NCALD: variants seen among roughly 807,000 people sequenced by gnomAD.
The protein encoded by NCALD is neurocalcin delta.
NCALD carries 10 observed loss-of-function variants against 18.6 expected under a neutral mutation model. That is an observed-to-expected ratio of 0.54 (90% CI 0.33 to 0.91). The LOEUF (loss-of-function observed/expected upper bound fraction) is 0.91. NCALD is among the 40% of genes least tolerant of loss of function. The probability of loss-of-function intolerance (pLI) is 0.03; values close to 1 mark genes in which losing one functional copy is unlikely to be tolerated. For synonymous variants in NCALD, 88 were observed against 87.4 expected (o/e 1.01, Z -0.04); for missense variants, 184 against 247.6 (o/e 0.74, Z 1.72).
At chr8:101,700,529 G>C (rs6468785) in intron 2 of NCALD, among the ~76,000 whole-genome samples, 32,849 of 151,972 alleles carry the variant, frequency 0.22, 3,758 homozygotes, top group Admixed American at 0.3. Flanking sequence ...GGGTCCCCTG[G>C]TGGCAAGTAA....
At chr8:101,913,668 C>T (rs1201550044) in intron 3 of NCALD, among the ~76,000 whole-genome samples, 3 of 152,138 alleles carry the variant, frequency 2.0e-5, no homozygotes, top group African/African-American at 4.8e-5. Flanking sequence ...CCACAACCTC[C>T]GCCTCCTGGA....
At chr8:102,000,786 C>A (rs949416471) in intron 2 of NCALD, among the ~76,000 whole-genome samples, 10 of 152,292 alleles carry the variant, frequency 6.6e-5, no homozygotes, top group Admixed American at 4.6e-4. Flanking sequence ...GGACCTCCGG[C>A]AAACTCCAAC....
chr8:101,890,435 CAG>C (rs1816829970), intron 3 of NCALD, among the ~76,000 whole-genome samples: 1 of 152,194 alleles, frequency 6.6e-6, no homozygotes, highest in Admixed American at 6.5e-5. Flanking sequence ...GTTTGAATGA[CAG>C]TGTCCCCTCT....
At chr8:101,892,670 G>T (rs560703724) in intron 3 of NCALD, among the ~76,000 whole-genome samples, 1 of 150,546 alleles carries the variant, frequency 6.6e-6, no homozygotes, top group South Asian at 2.1e-4. Flanking sequence ...GTGCTTAAAG[G>T]AGCTGATGAA....
intron 1 of NCALD, among the ~76,000 whole-genome samples, chr8:102,105,770 G>A (rs1039347594): frequency 1.3e-5 from 2 of 152,106 alleles, no homozygotes; most frequent in African/African-American, 4.8e-5. Flanking sequence ...TAGAATAGTG[G>A]TTAGAAATCA....
At chr8:101,905,360 CT>C (rs1329388447) in intron 3 of NCALD, among the ~76,000 whole-genome samples, 1 of 151,532 alleles carries the variant, frequency 6.6e-6, no homozygotes, top group African/African-American at 2.4e-5. Context: ...CTTTTCTTCC[CT>C]TCTGGACTCT....
intron 3 of NCALD, among the ~76,000 whole-genome samples, chr8:101,894,369 A>G (rs1817054353): frequency 7.8e-6 from 1 of 128,934 alleles, no homozygotes; most frequent in South Asian, 2.7e-4. Flanking sequence ...AGCAGTGTGT[A>G]GAGGGAAATT....
chr8:101,808,112 TACA>T (rs1469902581), intron 4 of NCALD, among the ~76,000 whole-genome samples: 1 of 152,180 alleles, frequency 6.6e-6, no homozygotes. Flanking sequence ...TTACAGATCT[TACA>T]GCTGTTAAGA....
chr8:102,092,638 C>T (rs1318859446), intron 1 of NCALD, among the ~76,000 whole-genome samples: 1 of 152,202 alleles, frequency 6.6e-6, no homozygotes. Context: ...AGCAACAAGC[C>T]TTTTTTCATG....
chr8:101,967,878 CTCAG>C (rs1179720033), intron 2 of NCALD, among the ~76,000 whole-genome samples: 6 of 151,850 alleles, frequency 4.0e-5, no homozygotes, highest in Admixed American at 3.9e-4. Context: ...TGCACTCACC[CTCAG>C]TCATTTCATG....
At chr8:101,972,852 C>T (rs749370366) in intron 2 of NCALD, among the ~76,000 whole-genome samples, 15 of 152,156 alleles carry the variant, frequency 9.9e-5, no homozygotes, top group Admixed American at 5.2e-4. Context: ...TTCCCCAGAA[C>T]TGCATAGGGT....
intron 3 of NCALD, among the ~76,000 whole-genome samples, chr8:101,897,305 G>A (rs1817225637): frequency 6.7e-6 from 1 of 149,412 alleles, no homozygotes; most frequent in Middle Eastern, 3.4e-3. Flanking sequence ...TAATAGGTGG[G>A]AATTTAACAA....
chr8:101,827,644 G>A (rs571430406), intron 4 of NCALD, among the ~76,000 whole-genome samples: 60 of 152,320 alleles, frequency 3.9e-4, no homozygotes, highest in African/African-American at 1.4e-3. Context: ...CTGGAATTGT[G>A]CTATGTGATG....
intron 1 of NCALD, among the ~76,000 whole-genome samples, chr8:101,742,125 C>A (rs905078530): frequency 7.1e-4 from 106 of 149,914 alleles, no homozygotes; most frequent in African/African-American, 2.5e-3. Context: ...TGGTGGTGGG[C>A]ACCTGTAATC....
intron 1 of NCALD, among the ~76,000 whole-genome samples, chr8:102,048,364 C>A (rs768595451): frequency 2.6e-5 from 4 of 152,190 alleles, no homozygotes; most frequent in Non-Finnish European, 5.9e-5. Flanking sequence ...ATTAGTGTCC[C>A]TTTGTCCATC....
intron 2 of NCALD, among the ~76,000 whole-genome samples, chr8:101,713,286 G>C (rs1815898516): frequency 6.6e-6 from 1 of 152,146 alleles, no homozygotes; most frequent in African/African-American, 2.4e-5. Context: ...AGTGTTTAGA[G>C]GGAAATTTAT....
chr8:102,039,624 G>A (rs1187664099), intron 1 of NCALD, among the ~76,000 whole-genome samples: 1 of 152,146 alleles, frequency 6.6e-6, no homozygotes, highest in Non-Finnish European at 1.5e-5. Context: ...GATGAGCTCA[G>A]TCCAGTTCCT....
At chr8:101,819,032 C>T (rs1001938919) in intron 4 of NCALD, among the ~76,000 whole-genome samples, 2 of 151,882 alleles carry the variant, frequency 1.3e-5, no homozygotes, top group African/African-American at 2.4e-5. Context: ...TAAAAATAAG[C>T]ATCTTTATAC....
chr8:101,889,515 T>C (rs1367919482), intron 3 of NCALD, among the ~76,000 whole-genome samples: 1 of 152,254 alleles, frequency 6.6e-6, no homozygotes, highest in Non-Finnish European at 1.5e-5. Flanking sequence ...GCATTTTAAA[T>C]GTATGCTTTT....
Sources: allele counts gnomAD v4.1 joint callset (sites outside exome capture counted in the v4.1 genomes callset), GRCh38; gene constraint gnomAD v4.1.1; transcripts MANE v1.5; gene names NCBI Gene and HGNC (gene_info 2026-07-23, HGNC 2026-07-21).